APCDD1L: variants seen among roughly 807,000 people sequenced by gnomAD.
APCDD1L encodes protein APCDD1-like.
APCDD1L carries 21 observed loss-of-function variants against 24.2 expected under a neutral mutation model. The ratio of observed to expected loss-of-function variants is 0.87; its 90% CI spans 0.61 to 1.25. APCDD1L has a LOEUF of 1.25. Ranked by LOEUF, APCDD1L falls within the 50% of genes most tolerant of loss-of-function variation. The pLI, the probability that APCDD1L is intolerant of heterozygous loss-of-function variation, is 0.00. For missense variants in APCDD1L, 704 were observed against 711.7 expected, an observed-to-expected ratio of 0.99 and a Z score of 0.12; for synonymous variants, 321 against 323.6, an observed-to-expected ratio of 0.99 and a Z score of 0.09.
intron 1 of APCDD1L, among the ~76,000 whole-genome samples, chr20:58,511,493 G>A (rs1168450398): frequency 6.6e-6 from 1 of 152,202 alleles, no homozygotes. Context: ...TAACTGCTTT[G>A]CCATCCAGAT....
intron 1 of APCDD1L, among the ~76,000 whole-genome samples, chr20:58,490,655 A>G (rs1394613625): frequency 6.6e-6 from 1 of 152,242 alleles, no homozygotes; most frequent in East Asian, 1.9e-4. Flanking sequence ...CAATGTGGGA[A>G]GAGACTGTCT....
intron 1 of APCDD1L, among the ~76,000 whole-genome samples, chr20:58,478,907 G>A (rs961013392): frequency 2.0e-5 from 3 of 152,130 alleles, no homozygotes; most frequent in Middle Eastern, 3.4e-3. Flanking sequence ...GTAGGTGAAG[G>A]GAGATTGGTG....
chr20:58,491,476 G>A (rs1371563092), intron 1 of APCDD1L, among the ~76,000 whole-genome samples: 2 of 151,208 alleles, frequency 1.3e-5, no homozygotes, highest in Non-Finnish European at 2.9e-5. Flanking sequence ...TGTGGGGAGG[G>A]AATATATCAT....
At chr20:58,491,445 C>T (rs566416614) in intron 1 of APCDD1L, among the ~76,000 whole-genome samples, 1 of 152,202 alleles carries the variant, frequency 6.6e-6, no homozygotes, top group South Asian at 2.1e-4. Flanking sequence ...GAATCAATTA[C>T]ATCTTGTAAC....
intron 1 of APCDD1L, among the ~76,000 whole-genome samples, chr20:58,505,043 A>G (rs1990507391): frequency 6.6e-6 from 1 of 152,200 alleles, no homozygotes; most frequent in Non-Finnish European, 1.5e-5. Flanking sequence ...AACTGATCCT[A>G]TAGAAAATAC....
rs186149065 is a variant in APCDD1L at position 58,515,082 on chromosome 20, G to A, written c.-375C>T. On this transcript the variant is annotated 5_prime_UTR_variant, in exon 1 of 4. Coordinates refer to ENST00000371149, the MANE Select transcript of APCDD1L (RefSeq NM_153360.3). ...CAAAGTCTTCGCAGTGGGCAAGGAGGCCTCCCCCAAGCTCTGGTCCCGGCC... is the reference window on the plus strand; with the variant it reads ...CAAAGTCTTCGCAGTGGGCAAGGAGACCTCCCCCAAGCTCTGGTCCCGGCC... The A allele has an allele frequency of 5.0e-4, 103 of 205,912 alleles. No homozygotes were observed. The East Asian group carries it at 9.9e-3, about 20-fold the overall frequency. The allele number at this position is 205,912 out of a possible 1,614,324, so 12.8% of individuals were successfully genotyped here.
At chr20:58,469,079 T>C (rs1180944895) in intron 2 of APCDD1L, among the ~76,000 whole-genome samples, 1 of 152,218 alleles carries the variant, frequency 6.6e-6, no homozygotes, top group Non-Finnish European at 1.5e-5. Flanking sequence ...AGAGGATTTA[T>C]GTTGTTTTGT....
chr20:58,499,207 A>C (rs1305243076), intron 1 of APCDD1L, among the ~76,000 whole-genome samples: 1 of 152,246 alleles, frequency 6.6e-6, no homozygotes, highest in Non-Finnish European at 1.5e-5. Flanking sequence ...TATTTCTACC[A>C]GGGGAAGGAA....
At chr20:58,502,257 T>A (rs997453838) in intron 1 of APCDD1L, among the ~76,000 whole-genome samples, 1 of 152,132 alleles carries the variant, frequency 6.6e-6, no homozygotes, top group Non-Finnish European at 1.5e-5. Flanking sequence ...CCCACCACCA[T>A]GCCAGGCTAA....
intron 1 of APCDD1L, among the ~76,000 whole-genome samples, chr20:58,488,787 A>G (rs907313112): frequency 1.3e-5 from 2 of 152,232 alleles, no homozygotes; most frequent in South Asian, 4.1e-4. Context: ...CCTAAGAATT[A>G]AAGATAACCG....
intron 1 of APCDD1L, among the ~76,000 whole-genome samples, chr20:58,483,120 G>C (rs1600859223): frequency 6.6e-6 from 1 of 152,202 alleles, no homozygotes; most frequent in East Asian, 1.9e-4. Flanking sequence ...CAGATGGAGA[G>C]AGCTGTAATG....
rs1351525774 is a variant in APCDD1L at position 58,494,322 on chromosome 20, TTTTCC to T, written c.49+20332_49+20336del. On this transcript the variant is annotated intron_variant, in intron 1 of 3. Transcript: ENST00000371149. The surrounding 1 kb of genome is among the most constrained non-coding windows in gnomAD (Gnocchi z 4.8). ...TTCTCTTCTCTCTTCTCTTCTCTTC[TTTTCC>T]TTTCCTTTCTTTTCTTTCCTTTTTT... 1.3e-5 allele frequency among the ~76,000 whole-genome samples: 2 copies of T among 152,096 alleles called. No individual in the cohort carries two copies. The highest frequency in any genetic ancestry group is 2.9e-5 in the Non-Finnish European group (2 of 68,004).
At chr20:58,473,689 C>CT (rs1196607755) in intron 1 of APCDD1L, among the ~76,000 whole-genome samples, 6 of 152,092 alleles carry the variant, frequency 3.9e-5, no homozygotes, top group African/African-American at 1.4e-4. Flanking sequence ...GGTTACACAA[C>CT]TTTTTGCAGG....
intron 1 of APCDD1L, among the ~76,000 whole-genome samples, chr20:58,493,115 G>GCA (rs375913656): frequency 6.6e-6 from 1 of 151,630 alleles, no homozygotes; most frequent in Admixed American, 6.6e-5. Context: ...ATGCAAGCAT[G>GCA]CACACACACA....
intron 1 of APCDD1L, among the ~76,000 whole-genome samples, chr20:58,480,362 G>T (rs1052557262): frequency 6.6e-6 from 1 of 152,212 alleles, no homozygotes; most frequent in African/African-American, 2.4e-5. Flanking sequence ...GTGAGAAGCA[G>T]AAGGGCCTTT....
intron 2 of APCDD1L, among the ~76,000 whole-genome samples, chr20:58,468,422 G>A (rs1269760373): frequency 6.6e-6 from 1 of 152,092 alleles, no homozygotes; most frequent in Non-Finnish European, 1.5e-5. Context: ...CTAGACTCAC[G>A]GTCAACCTGG....
chr20:58,461,344 A>C lies in APCDD1L; in HGVS notation c.952T>G (p.Phe318Val). 6.3e-7 allele frequency: 1 copy of C among 1,596,086 alleles called. No individual in the cohort carries two copies. The highest frequency in any genetic ancestry group is 8.6e-7 in the Non-Finnish European group (1 of 1,168,258). ...GGCTGCCGGCAGGCTGGGTCTGAGAAGTGGTGGTAATACCCTTCCCAGGAG... is the reference window on the plus strand; with the variant it reads ...GGCTGCCGGCAGGCTGGGTCTGAGACGTGGTGGTAATACCCTTCCCAGGAG... ...SRSWEGYYHH[F>V]SDPACRQPTF... The change falls in exon 4 of 4, where the codon TTC becomes GTC. Residue 318 changes from phenylalanine to valine, a missense_variant. Transcript: ENST00000371149. The surrounding 1 kb of genome is among the most constrained non-coding windows in gnomAD (Gnocchi z 6.0).
At chr20:58,471,006 G>A (rs1452558630) in intron 1 of APCDD1L, among the ~76,000 whole-genome samples, 2 of 152,222 alleles carry the variant, frequency 1.3e-5, no homozygotes, top group Non-Finnish European at 2.9e-5. Flanking sequence ...CCTCCTAGAT[G>A]GAGCCTGTCC....
chr20:58,475,396 G>A (rs917481700), intron 1 of APCDD1L, among the ~76,000 whole-genome samples: 12 of 152,176 alleles, frequency 7.9e-5, no homozygotes, highest in African/African-American at 2.7e-4. Context: ...AGTGGCGGTA[G>A]TTATCATAAC....
Sources: gnomAD v4.1 joint callset for allele counts (sites outside exome capture counted in the v4.1 genomes callset) on GRCh38, gnomAD v4.1.1 for gene constraint, Gnocchi (gnomAD v3.1) non-coding constraint, MANE v1.5 for transcripts, NCBI Gene and HGNC (gene_info 2026-07-23, HGNC 2026-07-21) for gene names.